Variants in TMEM132D observed in about 807,000 individuals in gnomAD.
TMEM132D encodes the protein mature OL transmembrane protein.
TMEM132D carries 21 observed loss-of-function variants against 62.3 expected under a neutral mutation model. The ratio of observed to expected loss-of-function variants is 0.34; its 90% CI spans 0.24 to 0.49. The LOEUF (loss-of-function observed/expected upper bound fraction) is 0.49. Among genes scored for constraint, TMEM132D ranks in the 20% least tolerant of loss-of-function variants. TMEM132D has a pLI of 0.99. For synonymous variants in TMEM132D, 621 were observed against 575.6 expected, an observed-to-expected ratio of 1.08 and a Z score of -1.13; for missense variants, 1,346 against 1,402.8, an observed-to-expected ratio of 0.96 and a Z score of 0.65.
Position 129,623,145 on chromosome 12 carries a change from C to G in TMEM132D, c.968+76665G>C, listed in dbSNP as rs547385531. 2.6e-5 allele frequency among the ~76,000 whole-genome samples: 4 copies of G among 152,248 alleles called. No homozygotes were observed. The East Asian group carries it at 7.7e-4, about 29-fold the overall frequency. On this transcript the variant is annotated intron_variant, in intron 2 of 8. Coordinates refer to ENST00000422113, the MANE Select transcript of TMEM132D (RefSeq NM_133448.3). ...ACTTGTCCCTGAAGCAAGGAGCATG[C>G]TTTTTGCTTAAACCAGTCGGATTTG...
intron 3 of TMEM132D, among the ~76,000 whole-genome samples, chr12:129,518,557 G>A (rs755288435): frequency 1.1e-3 from 76 of 67,754 alleles, no homozygotes; most frequent in African/African-American, 1.5e-3. Flanking sequence ...GTGTGTGTGT[G>A]TATATATATA....
At chr12:129,202,268 G>A (rs952466806) in intron 5 of TMEM132D, among the ~76,000 whole-genome samples, 12 of 152,222 alleles carry the variant, frequency 7.9e-5, no homozygotes, top group African/African-American at 2.9e-4. Flanking sequence ...ACAGGTGGCT[G>A]TGACACATCT....
intron 1 of TMEM132D, among the ~76,000 whole-genome samples, chr12:129,863,876 C>T (rs901445533): frequency 1.3e-5 from 2 of 152,176 alleles, no homozygotes; most frequent in African/African-American, 2.4e-5. Flanking sequence ...ATAGCCTCAT[C>T]AGTCGGCAGA....
intron 5 of TMEM132D, among the ~76,000 whole-genome samples, chr12:129,112,792 C>G (rs905173055): frequency 6.6e-6 from 1 of 152,164 alleles, no homozygotes; most frequent in Non-Finnish European, 1.5e-5. Flanking sequence ...TTCAGAACAT[C>G]CCTGTCATCA....
At chr12:129,111,603 C>G (rs147500645) in intron 5 of TMEM132D, 1 of 152,124 alleles carries the variant, frequency 6.6e-6, no homozygotes. Context: ...TAGAAATAAG[C>G]GCTTCTTACC....
chr12:129,581,206 C>T (rs1383745336), intron 2 of TMEM132D, among the ~76,000 whole-genome samples: 4 of 152,186 alleles, frequency 2.6e-5, no homozygotes, highest in African/African-American at 7.2e-5. Context: ...ACAGCCAGCT[C>T]TCCTTTTCCT....
At chr12:129,219,399 G>A (rs564591180) in intron 4 of TMEM132D, among the ~76,000 whole-genome samples, 3 of 152,290 alleles carry the variant, frequency 2.0e-5, no homozygotes, top group South Asian at 4.1e-4. Flanking sequence ...CCAGTCTTGG[G>A]TATGTCTTTA....
At chr12:129,898,009 C>T (rs1209539737) in intron 1 of TMEM132D, among the ~76,000 whole-genome samples, 2 of 152,180 alleles carry the variant, frequency 1.3e-5, no homozygotes, top group Non-Finnish European at 2.9e-5. Flanking sequence ...GGAGAAGTTA[C>T]TTAACATCTC....
chr12:129,698,785 G>C (rs1387642849), intron 2 of TMEM132D, among the ~76,000 whole-genome samples: 1 of 149,132 alleles, frequency 6.7e-6, no homozygotes, highest in African/African-American at 2.5e-5. Context: ...GAGGGAGAAA[G>C]AGAGGGAGAA....
intron 4 of TMEM132D, among the ~76,000 whole-genome samples, chr12:129,266,536 CCTCT>C (rs1246337708): frequency 6.7e-6 from 1 of 148,530 alleles, no homozygotes; most frequent in Non-Finnish European, 1.5e-5. Flanking sequence ...CCTCCCCTCT[CCTCT>C]CTATCCTTCC....
At chr12:129,776,788 C>CAAAAA (rs148740560) in intron 1 of TMEM132D, among the ~76,000 whole-genome samples, 26 of 68,292 alleles carry the variant, frequency 3.8e-4, no homozygotes, top group Non-Finnish European at 6.5e-4. Context: ...TAATGGGCTT[C>CAAAAA]AAAAAAAAAA....
chr12:129,324,678 A>G (rs1216703933), intron 4 of TMEM132D, among the ~76,000 whole-genome samples: 1 of 152,028 alleles, frequency 6.6e-6, no homozygotes, highest in African/African-American at 2.4e-5. Flanking sequence ...GAAATACAAA[A>G]AATTAGCCAG....
At chr12:129,528,195 T>C (rs953295009) in intron 3 of TMEM132D, among the ~76,000 whole-genome samples, 7 of 152,188 alleles carry the variant, frequency 4.6e-5, no homozygotes, top group Middle Eastern at 3.2e-3. Context: ...TATTAAAACA[T>C]CTACTCTATA....
chr12:129,086,160 G>C (rs1874610354), intron 5 of TMEM132D, among the ~76,000 whole-genome samples: 1 of 151,856 alleles, frequency 6.6e-6, no homozygotes, highest in Non-Finnish European at 1.5e-5. Context: ...ATAATTACAA[G>C]TTAGCTCACA....
intron 2 of TMEM132D, among the ~76,000 whole-genome samples, chr12:129,563,684 G>A (rs1422657108): frequency 6.6e-6 from 1 of 152,184 alleles, no homozygotes; most frequent in Non-Finnish European, 1.5e-5. Flanking sequence ...GGGAAGGACA[G>A]CCTGGCTGGA....
intron 4 of TMEM132D, among the ~76,000 whole-genome samples, chr12:129,308,552 A>G (rs971620053): frequency 2.6e-5 from 4 of 152,222 alleles, no homozygotes; most frequent in African/African-American, 9.6e-5. Flanking sequence ...CTTACTTCCT[A>G]TCACTTGCCT....
Position 129,605,660 on chromosome 12 carries a change from CATAT to C in TMEM132D, c.969-74459_969-74456del, listed in dbSNP as rs34667480. On this transcript the variant is annotated intron_variant, in intron 2 of 8. Coordinates refer to ENST00000422113, the MANE Select transcript of TMEM132D (RefSeq NM_133448.3). ...ACACACACACACAAATATACATATACATATATATATATATATTTGTAGATAGAAA... is the reference window on the plus strand; with the variant it reads ...ACACACACACACAAATATACATATACATATATATATATTTGTAGATAGAAA... Among the ~76,000 whole-genome samples, 147 of 140,896 alleles carry C rather than the reference CATAT, an allele frequency of 1.0e-3. 2 individuals carry two copies. Among genetic ancestry groups the C allele is most frequent in the Non-Finnish European group, 3.2e-4 (21 of 65,390 alleles). The allele number at this position is 140,896 out of a possible 152,430, so 92.4% of individuals were successfully genotyped here. A position where few individuals can be genotyped will look rare whatever the true frequency, so the allele number is the denominator to read the frequency against.
At chr12:129,673,657 G>A (rs968410902) in intron 2 of TMEM132D, among the ~76,000 whole-genome samples, 1 of 152,178 alleles carries the variant, frequency 6.6e-6, no homozygotes, top group African/African-American at 2.4e-5. Flanking sequence ...ACAGTGAGGA[G>A]ACAGTCAAAG....
At chr12:129,280,494 T>C (rs944370479) in intron 4 of TMEM132D, among the ~76,000 whole-genome samples, 2 of 152,190 alleles carry the variant, frequency 1.3e-5, no homozygotes, top group Non-Finnish European at 2.9e-5. Flanking sequence ...GAAAATCAGA[T>C]GATTGTTTCC....
Sources: allele counts gnomAD v4.1 joint callset (sites outside exome capture counted in the v4.1 genomes callset), GRCh38; gene constraint gnomAD v4.1.1; transcripts MANE v1.5; gene names NCBI Gene and HGNC (gene_info 2026-07-23, HGNC 2026-07-21).